The following UNC13C variants were observed in gnomAD, a reference collection of about 807,000 sequenced individuals.
UNC13C encodes protein unc-13 homolog C.
In UNC13C, 174 loss-of-function variants were observed where a neutral mutation model predicts 245.4. That is an observed-to-expected ratio of 0.71 (90% CI 0.63 to 0.80). The LOEUF (loss-of-function observed/expected upper bound fraction) is 0.80, where lower values mean the gene tolerates loss of function less well. UNC13C is among the 30% of genes least tolerant of loss of function. The pLI is 0.00. For synonymous variants in UNC13C, 992 were observed against 895.1 expected (o/e 1.11, Z -1.93); for missense variants, 2,829 against 2,602.9 (o/e 1.09, Z -1.89).
At chr15:54,398,349 T>G (rs997453122) in intron 18 of UNC13C, among the ~76,000 whole-genome samples, 16 of 151,514 alleles carry the variant, frequency 1.1e-4, no homozygotes, top group Non-Finnish European at 2.4e-4. Context: ...TATATTTTAT[T>G]GATAAAATTT....
intron 18 of UNC13C, among the ~76,000 whole-genome samples, chr15:54,408,392 T>C (rs2040351687): frequency 6.6e-6 from 1 of 152,036 alleles, no homozygotes; most frequent in Non-Finnish European, 1.5e-5. Flanking sequence ...AATATTGTTT[T>C]TTCTTTATTG....
intron 19 of UNC13C, among the ~76,000 whole-genome samples, chr15:54,487,732 A>G (rs970140147): frequency 2.9e-5 from 4 of 139,092 alleles, no homozygotes; most frequent in Non-Finnish European, 4.5e-5. Context: ...GTGCCACTGC[A>G]CTCCAGCCTG....
At chr15:53,941,406 A>G in the UNC13C span, among the ~76,000 whole-genome samples, 1 of 152,240 alleles carries the variant, frequency 6.6e-6, no homozygotes, top group Non-Finnish European at 1.5e-5. Flanking sequence ...CATGACAAAA[A>G]TGACAAAAGC....
At chr15:54,109,188 T>C (rs1288575851) in intron 2 of UNC13C, among the ~76,000 whole-genome samples, 1 of 151,616 alleles carries the variant, frequency 6.6e-6, no homozygotes, top group Non-Finnish European at 1.5e-5. Context: ...AGGACAAAAA[T>C]AGTTAGCAAC....
chr15:54,563,241 A>G (rs1897368575), intron 29 of UNC13C, among the ~76,000 whole-genome samples: 1 of 152,010 alleles, frequency 6.6e-6, no homozygotes, highest in African/African-American at 2.4e-5. Context: ...GCTCAATTGC[A>G]TATCTGTCAA....
chr15:54,091,833 A>G (rs1899590696), intron 2 of UNC13C, among the ~76,000 whole-genome samples: 1 of 151,958 alleles, frequency 6.6e-6, no homozygotes, highest in African/African-American at 2.4e-5. Flanking sequence ...ATTTGGCTTG[A>G]TTCCTGCTTC....
At chr15:54,408,671 A>T (rs1405800852) in intron 18 of UNC13C, among the ~76,000 whole-genome samples, 1 of 151,984 alleles carries the variant, frequency 6.6e-6, no homozygotes, top group Non-Finnish European at 1.5e-5. Context: ...AAATCAGTAA[A>T]AATTAAAAGC....
chr15:53,948,546 G>C, the UNC13C span: 1 of 151,130 alleles, frequency 6.6e-6, no homozygotes, highest in South Asian at 2.1e-4. Flanking sequence ...CCCGGGAGGC[G>C]GAAGTTGTAG....
chr15:53,839,288 A>G, the UNC13C span, among the ~76,000 whole-genome samples: 3 of 152,018 alleles, frequency 2.0e-5, no homozygotes, highest in Admixed American at 6.6e-5. Flanking sequence ...TTTACTTATA[A>G]CAAGATGAAC....
chr15:54,344,089 A>C (rs1378000140), intron 17 of UNC13C, among the ~76,000 whole-genome samples: 2 of 152,172 alleles, frequency 1.3e-5, no homozygotes, highest in East Asian at 3.8e-4. Context: ...CTAACATGGA[A>C]GTTCGAAAGT....
At chr15:54,038,122 A>ATTTTTTTTTTTTTTTTTTTTTT (rs1355738786) in intron 2 of UNC13C, among the ~76,000 whole-genome samples, 2 of 50,258 alleles carry the variant, frequency 4.0e-5, no homozygotes, top group Admixed American at 4.0e-4. Flanking sequence ...ATATATATAT[A>ATTTTTTTTTTTTTTTTTTTTTT]TATTTTTTTT....
At chr15:54,171,173 G>C (rs527777736) in intron 4 of UNC13C, among the ~76,000 whole-genome samples, 4 of 152,100 alleles carry the variant, frequency 2.6e-5, no homozygotes, top group South Asian at 2.1e-4. Context: ...CCTAGGTTGC[G>C]AGCACTCACT....
chr15:53,935,789 T>C, the UNC13C span, among the ~76,000 whole-genome samples: 1 of 152,050 alleles, frequency 6.6e-6, no homozygotes, highest in Non-Finnish European at 1.5e-5. Context: ...GCCACACTTT[T>C]CCCATGGATC....
intron 18 of UNC13C, among the ~76,000 whole-genome samples, chr15:54,411,574 T>G (rs2040416876): frequency 6.6e-6 from 1 of 152,108 alleles, no homozygotes; most frequent in African/African-American, 2.4e-5. Flanking sequence ...ATTCAAGTAT[T>G]TTAGCATCTC....
At chr15:53,967,364 G>A in the UNC13C span, among the ~76,000 whole-genome samples, 3 of 150,694 alleles carry the variant, frequency 2.0e-5, no homozygotes, top group South Asian at 4.2e-4. Flanking sequence ...TTTTCGAATC[G>A]TCATGAGTTG....
the UNC13C span, among the ~76,000 whole-genome samples, chr15:53,959,525 T>C: frequency 6.6e-6 from 1 of 152,294 alleles, no homozygotes; most frequent in African/African-American, 2.4e-5. Flanking sequence ...ATGCTCGTGT[T>C]GGTGGTCATC....
At chr15:54,611,394 A>G (rs1473086968) in intron 30 of UNC13C, 1 of 152,210 alleles carries the variant, frequency 6.6e-6, no homozygotes, top group Admixed American at 6.5e-5. Context: ...GCTGGCTAAA[A>G]AAAAGGTCAC....
At chr15:54,446,203 G>A (rs1273575879) in intron 19 of UNC13C, among the ~76,000 whole-genome samples, 1 of 152,068 alleles carries the variant, frequency 6.6e-6, no homozygotes, top group Non-Finnish European at 1.5e-5. Context: ...TAGCCTTGTA[G>A]TATAGTTTAA....
At chr15:53,989,752 A>G (rs1894300198) in intron 1 of UNC13C, among the ~76,000 whole-genome samples, 1 of 152,000 alleles carries the variant, frequency 6.6e-6, no homozygotes, top group South Asian at 2.1e-4. Flanking sequence ...GTATGAACTT[A>G]TTTATACTAA....
Sources: allele counts gnomAD v4.1 joint callset (sites outside exome capture counted in the v4.1 genomes callset), GRCh38; gene constraint gnomAD v4.1.1; transcripts MANE v1.5; gene names NCBI Gene and HGNC (gene_info 2026-07-23, HGNC 2026-07-21).